Variants in TBC1D8 observed in about 807,000 individuals in gnomAD.
The protein encoded by TBC1D8 is TBC1 domain family member 8.
A neutral mutation model predicts 118.8 loss-of-function variants in TBC1D8; 65 were observed. The ratio of observed to expected loss-of-function variants is 0.55; its 90% CI spans 0.45 to 0.67. The LOEUF (loss-of-function observed/expected upper bound fraction) is 0.67, where lower values mean the gene tolerates loss of function less well. Among genes scored for constraint, TBC1D8 ranks in the 30% least tolerant of loss-of-function variants. The probability of loss-of-function intolerance (pLI) is 0.00; values close to 1 mark genes in which losing one functional copy is unlikely to be tolerated. For synonymous variants in TBC1D8, 566 were observed against 595.8 expected (o/e 0.95, Z 0.73); for missense variants, 1,376 against 1,471.2 (o/e 0.94, Z 1.06).
At chr2:101,083,529 A>C (rs968405571) in intron 2 of TBC1D8, among the ~76,000 whole-genome samples, 5 of 152,124 alleles carry the variant, frequency 3.3e-5, no homozygotes, top group African/African-American at 1.2e-4. Context: ...AATAATAGGA[A>C]TTCATTTCTC....
chr2:101,033,094 C>G, intron 10 of TBC1D8: 1 of 288,634 alleles, frequency 3.5e-6, no homozygotes, highest in Non-Finnish European at 6.8e-6. Flanking sequence ...ACTACACATG[C>G]ACGTTTCTCT....
At chr2:101,118,613 C>T (rs1352203893) in intron 1 of TBC1D8, among the ~76,000 whole-genome samples, 6 of 150,110 alleles carry the variant, frequency 4.0e-5, no homozygotes, top group African/African-American at 1.2e-4. Flanking sequence ...AGGAGAATGG[C>T]GTGAACCCGG....
chr2:101,131,705 C>T (rs1678598910), intron 1 of TBC1D8, among the ~76,000 whole-genome samples: 2 of 151,962 alleles, frequency 1.3e-5, no homozygotes, highest in South Asian at 2.1e-4. Context: ...GTCCCAGCTA[C>T]TCGGGAGGCT....
intron 5 of TBC1D8, among the ~76,000 whole-genome samples, chr2:101,046,781 G>A (rs764558157): frequency 4.1e-4 from 62 of 152,140 alleles, no homozygotes; most frequent in Non-Finnish European, 7.9e-4. Context: ...AGGTTTCCCT[G>A]CTGAGGACAC....
intron 5 of TBC1D8, among the ~76,000 whole-genome samples, chr2:101,047,226 A>C (rs911466707): frequency 1.3e-5 from 2 of 152,168 alleles, no homozygotes; most frequent in Non-Finnish European, 2.9e-5. Context: ...CAACCAGCCC[A>C]ATCAACCGAG....
rs528954310 is a variant in TBC1D8, at chr2:101,068,639, C to T, written c.284-9100G>A. On this transcript the variant is annotated intron_variant, in intron 2 of 19. Transcript: ENST00000409318. ...CCAACAAGAAATGGCAGAAAAGGAACAATGGCAAATAACCCACTGGATGAT... is the reference window on the plus strand; with the variant it reads ...CCAACAAGAAATGGCAGAAAAGGAATAATGGCAAATAACCCACTGGATGAT... 9.4e-4 allele frequency: 489 copies of T among 522,152 alleles called. 1 individual carries two copies. The highest frequency in any genetic ancestry group is 3.6e-3 in the Middle Eastern group (7 of 1,918). 32.3% of individuals were successfully genotyped at this position (522,152 alleles called of 1,614,324 possible).
intron 1 of TBC1D8, among the ~76,000 whole-genome samples, chr2:101,139,394 C>A (rs1343118358): frequency 6.6e-6 from 1 of 152,142 alleles, no homozygotes; most frequent in Non-Finnish European, 1.5e-5. Context: ...TACTTCCTCG[C>A]CACCCTCCAG....
At chr2:101,069,288 G>A (rs1270774849) in intron 2 of TBC1D8, among the ~76,000 whole-genome samples, 6 of 145,652 alleles carry the variant, frequency 4.1e-5, no homozygotes, top group African/African-American at 1.3e-4. Flanking sequence ...GTGAGATTAC[G>A]TCTCAAAAAA....
At chr2:101,122,022 C>T (rs140954725) in intron 1 of TBC1D8, among the ~76,000 whole-genome samples, 17,870 of 151,386 alleles carry the variant, frequency 0.12, 1,299 homozygotes, top group South Asian at 0.21. Context: ...GCTGAGATCA[C>T]GCCACTGCAC....
chr2:101,075,536 G>A (rs920029116), intron 2 of TBC1D8, among the ~76,000 whole-genome samples: 1 of 152,124 alleles, frequency 6.6e-6, no homozygotes, highest in African/African-American at 2.4e-5. Flanking sequence ...TGAATCATGA[G>A]GGCAGTTTCC....
intron 5 of TBC1D8, among the ~76,000 whole-genome samples, chr2:101,042,176 T>C (rs111762151): frequency 0.01 from 1,571 of 152,218 alleles, 30 homozygotes; most frequent in South Asian, 0.052. Context: ...AGAGAGAATG[T>C]TGATGAGGAG....
At chr2:101,011,587 C>T in intron 17 of TBC1D8, 47 bp from the exon 18 acceptor site, 1 of 1,592,038 alleles carries the variant, frequency 6.3e-7, no homozygotes, top group Non-Finnish European at 8.6e-7. Flanking sequence ...TTCTGCCTTA[C>T]CAAAACTGAC....
rs187209080 is a variant in TBC1D8, at chr2:101,111,883, A to G, written c.128-21519T>C. ...AAACTGTACATTTAACAGTGGTTAC[A>G]ATGGTCAAATGTTGTGTACTTGACC... On this transcript the variant is annotated intron_variant, in intron 1 of 19. Coordinates refer to ENST00000409318, the MANE Select transcript of TBC1D8 (RefSeq NM_001330348.2). 2.3e-3 allele frequency among the ~76,000 whole-genome samples: 347 copies of G among 150,824 alleles called. 4 individuals carry two copies. The highest frequency in any genetic ancestry group is 1.3e-3 in the Admixed American group (20 of 15,072).
intron 2 of TBC1D8, among the ~76,000 whole-genome samples, chr2:101,068,962 T>C (rs916887141): frequency 3.4e-5 from 5 of 148,512 alleles, no homozygotes; most frequent in African/African-American, 1.2e-4. Flanking sequence ...ATCGCGCCAC[T>C]GCACTCCAGC....
At chr2:101,132,004 C>T (rs974523872) in intron 1 of TBC1D8, among the ~76,000 whole-genome samples, 7 of 152,204 alleles carry the variant, frequency 4.6e-5, no homozygotes, top group South Asian at 2.1e-4. Context: ...TCAAAGTAGA[C>T]GGGTGCTTCC....
chr2:101,023,144 T>G (rs1680144314), intron 15 of TBC1D8, among the ~76,000 whole-genome samples: 1 of 133,752 alleles, frequency 7.5e-6, no homozygotes, highest in African/African-American at 2.8e-5. Context: ...TTTTTTTGTT[T>G]GTTTGTTTTC....
chr2:101,032,926 G>A (rs1252682994), intron 10 of TBC1D8: 1 of 177,682 alleles, frequency 5.6e-6, no homozygotes, highest in Non-Finnish European at 1.2e-5. Flanking sequence ...GTGTCCTAAA[G>A]GAAGGGGATT....
chr2:101,042,072 A>G (rs1681421624), intron 5 of TBC1D8, among the ~76,000 whole-genome samples: 1 of 152,166 alleles, frequency 6.6e-6, no homozygotes, highest in South Asian at 2.1e-4. Flanking sequence ...TAAGTAATCA[A>G]TAAACATTAG....
At chr2:101,104,938 T>A (rs1193752211) in intron 1 of TBC1D8, among the ~76,000 whole-genome samples, 1 of 150,346 alleles carries the variant, frequency 6.7e-6, no homozygotes, top group Non-Finnish European at 1.5e-5. Flanking sequence ...AGGAGGAGAA[T>A]CGCTTGAACC....
Sources: gnomAD v4.1 joint callset for allele counts (sites outside exome capture counted in the v4.1 genomes callset) on GRCh38, gnomAD v4.1.1 for gene constraint, MANE v1.5 for transcripts, NCBI Gene and HGNC (gene_info 2026-07-23, HGNC 2026-07-21) for gene names.